CEMIP: variants seen among roughly 807,000 people sequenced by gnomAD.
CEMIP encodes the protein cell migration inducing hyaluronidase 1, also known as cell migration-inducing and hyaluronan-binding protein.
In CEMIP, 105 loss-of-function variants were observed where a neutral mutation model predicts 156.9. That is an observed-to-expected ratio of 0.67 (90% CI 0.57 to 0.79). The LOEUF (loss-of-function observed/expected upper bound fraction) is 0.79. Among genes scored for constraint, CEMIP ranks in the 30% least tolerant of loss-of-function variants. The pLI, the probability that CEMIP is intolerant of heterozygous loss-of-function variation, is 0.00. For synonymous variants in CEMIP, 676 were observed against 668.4 expected, an observed-to-expected ratio of 1.01 and a Z score of -0.17; for missense variants, 1,457 against 1,769.4, an observed-to-expected ratio of 0.82 and a Z score of 3.17.
Position 80,941,930 on chromosome 15 carries a change from G to T in CEMIP, c.3489G>T (p.Lys1163Asn). Residue 1163 changes from lysine to asparagine, a missense_variant, in exon 26 of 30, where the codon AAG becomes AAT. Around this residue, in one of 5 missense-constraint regions of CEMIP, gnomAD observed 798 missense variants for 980.1 expected, o/e 0.81. Coordinates refer to ENST00000394685, the MANE Select transcript of CEMIP (RefSeq NM_001293298.2). ...CCATGAAAGGCTGTGAGAGGATAAA[G>T]ATTAAAGCTCTGATTCCAAAGAACG... is the stretch of plus-strand genomic sequence containing the variant. ...FCSMKGCERI[K>N]IKALIPKNAG... 6.2e-7 allele frequency: 1 copy of T among 1,614,106 alleles called. No individual in the cohort carries two copies. Among genetic ancestry groups the T allele is most frequent in the African/African-American group, 1.3e-5 (1 of 75,028 alleles).
intron 28 of CEMIP, chr15:80,946,243 C>A (rs1326916907): frequency 6.5e-6 from 1 of 152,720 alleles, no homozygotes; most frequent in Non-Finnish European, 1.5e-5. Flanking sequence ...AAGCCTGTGT[C>A]CATCAAAAGA....
chr15:80,928,941 AG>A lies in CEMIP; in HGVS notation c.2456+7del. On this transcript the variant is annotated splice_donor_5th_base_variant and intron_variant, in intron 20 of 29. Coordinates refer to ENST00000394685, the MANE Select transcript of CEMIP (RefSeq NM_001293298.2). Reference sequence around the variant, plus strand: ...GCATTGGCCTGACCCTGGCCAGGTAAGGGCAACTGTCATTGTACTTGGTCCT... The same window carrying A: ...GCATTGGCCTGACCCTGGCCAGGTAAGGCAACTGTCATTGTACTTGGTCCT... 6.2e-7 allele frequency: 1 copy of A among 1,614,212 alleles called. No individual in the cohort carries two copies. The highest frequency in any genetic ancestry group is 8.5e-7 in the Non-Finnish European group (1 of 1,180,034).
intron 1 of CEMIP, among the ~76,000 whole-genome samples, 176 bp downstream of exon 1, chr15:80,779,790 A>G (rs1466068740): frequency 6.6e-6 from 1 of 152,182 alleles, no homozygotes; most frequent in Non-Finnish European, 1.5e-5. Flanking sequence ...CTGTTTGTCC[A>G]TGCGTCTGTT....
intron 1 of CEMIP, among the ~76,000 whole-genome samples, chr15:80,826,289 C>A (rs1014042679): frequency 6.6e-6 from 1 of 152,204 alleles, no homozygotes; most frequent in Non-Finnish European, 1.5e-5. Flanking sequence ...GTTTATTCTG[C>A]ATGCAGCTCT....
intron 1 of CEMIP, among the ~76,000 whole-genome samples, chr15:80,872,649 T>A (rs1449690665): frequency 1.3e-5 from 2 of 152,112 alleles, no homozygotes; most frequent in Non-Finnish European, 2.9e-5. Flanking sequence ...ATGCTGTCCC[T>A]ACTAAAAATA....
chr15:80,793,510 T>C (rs1896137265), intron 1 of CEMIP, among the ~76,000 whole-genome samples: 1 of 152,228 alleles, frequency 6.6e-6, no homozygotes, highest in Non-Finnish European at 1.5e-5. Context: ...AAGATCAGAA[T>C]AATTTATCAC....
chr15:80,846,838 T>A (rs1262289121), intron 1 of CEMIP, among the ~76,000 whole-genome samples: 1 of 152,236 alleles, frequency 6.6e-6, no homozygotes. Flanking sequence ...AGCCTAATAA[T>A]CACTTGTTGT....
intron 1 of CEMIP, among the ~76,000 whole-genome samples, chr15:80,802,133 CA>C (rs1896392561): frequency 6.6e-6 from 1 of 152,180 alleles, no homozygotes; most frequent in Non-Finnish European, 1.5e-5. Context: ...CTAATTCTGC[CA>C]ACATGGCCTG....
chr15:80,879,005 G>C, intron 4 of CEMIP, 138 bp downstream of exon 4: 3 of 1,121,618 alleles, frequency 2.7e-6, no homozygotes, highest in Non-Finnish European at 4.0e-6. Flanking sequence ...TTGGTTGTCT[G>C]AGATAACCAT....
At chr15:80,830,415 C>T (rs1206131495) in intron 1 of CEMIP, among the ~76,000 whole-genome samples, 4 of 152,144 alleles carry the variant, frequency 2.6e-5, no homozygotes, top group Admixed American at 2.6e-4. Flanking sequence ...GAGTAAGAGC[C>T]AGGACTGGCA....
chr15:80,932,836 G>T lies in CEMIP; in HGVS notation c.2794-409G>T, dbSNP rs111825758. 6.6e-6 allele frequency among the ~76,000 whole-genome samples: 1 copy of T among 152,134 alleles called. No homozygotes were observed. Among genetic ancestry groups the T allele is most frequent in the Non-Finnish European group, 1.5e-5 (1 of 68,018 alleles). On this transcript the variant is annotated intron_variant, in intron 22 of 29. Transcript: ENST00000394685. The surrounding 1 kb of genome is among the most constrained non-coding windows in gnomAD (Gnocchi z 4.5). ...CGCACACGGATGCCCCCGTGTATGT[G>T]TGTGTGTATGTGTAAAAGTGTGTGT...
rs796406628 is a variant in CEMIP, at chr15:80,836,554, G to T, written c.-175-36984G>T. On this transcript the variant is annotated intron_variant, in intron 1 of 29. Transcript: ENST00000394685. Reference sequence around the variant, plus strand: ...TTGAAAACCTTCCTCAAACGTTTCTGTTTTCCATAGTTCCTTTTGCCATAG... The same window carrying T: ...TTGAAAACCTTCCTCAAACGTTTCTTTTTTCCATAGTTCCTTTTGCCATAG... Among the ~76,000 whole-genome samples the T allele has an allele frequency of 5.3e-5, 8 of 151,932 alleles. No homozygotes were observed. In the South Asian group the frequency reaches 1.7e-3, roughly 32 times the overall value.
intron 19 of CEMIP, among the ~76,000 whole-genome samples, chr15:80,927,342 T>C (rs1235660870): frequency 6.6e-6 from 1 of 152,154 alleles, no homozygotes; most frequent in Non-Finnish European, 1.5e-5. Context: ...CACCAATCTA[T>C]GGGATAAGCT....
At position 80,893,756 on chromosome 15, in the gene CEMIP, A is replaced by G. The variant is rs112622529; in HGVS notation, c.1087-1234A>G. Among the ~76,000 whole-genome samples the G allele has an allele frequency of 4.4e-3, 664 of 152,178 alleles. 4 individuals are homozygous for G. The highest frequency in any genetic ancestry group is 0.015 in the African/African-American group (623 of 41,492). On this transcript the variant is annotated intron_variant, in intron 10 of 29. Transcript: ENST00000394685. The stretch of plus-strand genomic sequence containing the variant: ...CTGAGTTTTAATTGTGGCTGAACTC[A>G]CATCCACATGGCTCTTCTTCCAAGC...
intron 1 of CEMIP, among the ~76,000 whole-genome samples, chr15:80,868,821 C>T (rs1265765804): frequency 6.6e-6 from 1 of 152,132 alleles, no homozygotes; most frequent in Non-Finnish European, 1.5e-5. Context: ...AAAGCAGTGC[C>T]TCGCACCTAA....
At chr15:80,904,036 A>C (rs542238865) in intron 12 of CEMIP, among the ~76,000 whole-genome samples, 101 of 152,268 alleles carry the variant, frequency 6.6e-4, no homozygotes, top group African/African-American at 2.4e-3. Context: ...AACTCATTTC[A>C]TATCATTTCC....
chr15:80,930,522 G>A (rs554421808), intron 21 of CEMIP, among the ~76,000 whole-genome samples: 2 of 152,196 alleles, frequency 1.3e-5, no homozygotes, highest in Non-Finnish European at 2.9e-5. Context: ...GGTCTGAAGT[G>A]CAAAACCTAA....
chr15:80,798,107 A>G (rs1896278284), intron 1 of CEMIP, among the ~76,000 whole-genome samples: 1 of 152,212 alleles, frequency 6.6e-6, no homozygotes, highest in South Asian at 2.1e-4. Context: ...TATATAAGCC[A>G]TATAACCGTG....
At position 80,937,775 on chromosome 15, in the gene CEMIP, AC is replaced by A. The variant is rs764813025; in HGVS notation, c.3222-18del. On this transcript the variant is annotated intron_variant, in intron 24 of 29. Coordinates refer to ENST00000394685, the MANE Select transcript of CEMIP (RefSeq NM_001293298.2). ...CCTGGACACCCTTGCTTGTAACCTG[AC>A]TCTACTTCCAATCCTAGGGGCGACT... The A allele has an allele frequency of 5.6e-6, 9 of 1,613,572 alleles. No homozygotes were observed. Among genetic ancestry groups the A allele is most frequent in the Non-Finnish European group, 6.8e-6 (8 of 1,179,720 alleles).
Sources: allele counts gnomAD v4.1 joint callset (sites outside exome capture counted in the v4.1 genomes callset), GRCh38; gene constraint gnomAD v4.1.1; regional missense constraint gnomAD v4.1.1; non-coding constraint Gnocchi (gnomAD v3.1); transcripts MANE v1.5; gene names NCBI Gene and HGNC (gene_info 2026-07-23, HGNC 2026-07-21).